LIN52: variants seen among roughly 807,000 people sequenced by gnomAD.
LIN52 encodes lin-52 DREAM MuvB core complex component.
Under a neutral mutation model 18.5 loss-of-function variants are expected in LIN52, and 4 were observed. That is an observed-to-expected ratio of 0.22 (90% CI 0.11 to 0.49). The LOEUF is 0.49. Among genes scored for constraint, LIN52 ranks in the 20% least tolerant of loss-of-function variants. The pLI, the probability that LIN52 is intolerant of heterozygous loss-of-function variation, is 0.97. For synonymous variants in LIN52, 34 were observed against 45.5 expected (o/e 0.75, Z 1.02); for missense variants, 102 against 139.5 (o/e 0.73, Z 1.35).
chr14:74,097,822 T>C lies in LIN52; in HGVS notation c.161T>C (p.Met54Thr). 1 of 1,613,308 alleles carries C rather than the reference T, an allele frequency of 6.2e-7. No homozygotes were observed. The highest frequency in any genetic ancestry group is 8.5e-7 in the Non-Finnish European group (1 of 1,179,250). The change falls in exon 4 of 6, where the codon ATG becomes ACG. Residue 54 changes from methionine (M) to threonine (T), a missense_variant. Met to Thr is a moderately conservative substitution (Grantham distance 81). Coordinates refer to ENST00000555028, the MANE Select transcript of LIN52 (RefSeq NM_001024674.3). Reference protein sequence around the residue: ...SPITSSPPKWMAEIERDDIDM... With the variant: ...SPITSSPPKWTAEIERDDIDM... ...ATTACTAGTTCTCCACCCAAATGGA[T>C]GGCTGAGATAGAACGTGATGACATC...
chr14:74,103,427 ATTTTTTTTTTTTTT>A (rs11347849), intron 5 of LIN52, among the ~76,000 whole-genome samples: 40 of 88,582 alleles, frequency 4.5e-4, no homozygotes, highest in Middle Eastern at 7.8e-3. Flanking sequence ...AAAATGTAAG[ATTTTTTTTTTTTTT>A]TTTTTTTTGA....
chr14:74,153,130 G>T (rs1216368282), intron 5 of LIN52, among the ~76,000 whole-genome samples: 1 of 152,180 alleles, frequency 6.6e-6, no homozygotes, highest in Non-Finnish European at 1.5e-5. Context: ...GAGGAGTTGT[G>T]CTCCTGACCT....
At position 74,109,996 on chromosome 14, in the gene LIN52, C is replaced by T. The variant is rs186372068; in HGVS notation, c.283+8758C>T. Among the ~76,000 whole-genome samples the T allele has an allele frequency of 1.9e-4, 29 of 152,252 alleles. No individual in the cohort carries two copies. In the East Asian group the frequency reaches 4.1e-3, roughly 21 times the overall value. On this transcript the variant is annotated intron_variant, in intron 5 of 5. Transcript: ENST00000555028. ...AAATCCCAGTACAGTGTTGAATAGA[C>T]GTGGCAGGAGTGGACATCCTTGACT...
At chr14:74,192,111 T>G (rs2078880825) in intron 5 of LIN52, among the ~76,000 whole-genome samples, 1 of 152,134 alleles carries the variant, frequency 6.6e-6, no homozygotes, top group Non-Finnish European at 1.5e-5. Context: ...TTGGAAGATC[T>G]TTTTAGAAAT....
intron 5 of LIN52, among the ~76,000 whole-genome samples, chr14:74,140,235 A>T (rs2061122029): frequency 6.6e-6 from 1 of 152,140 alleles, no homozygotes; most frequent in South Asian, 2.1e-4. Flanking sequence ...TTCTTGTAGC[A>T]CTTTGTCTAC....
intron 5 of LIN52, among the ~76,000 whole-genome samples, chr14:74,120,838 C>T (rs1340818837): frequency 2.0e-5 from 3 of 151,662 alleles, no homozygotes; most frequent in Non-Finnish European, 4.4e-5. Context: ...AGGAGAATCA[C>T]TTGAACCCAG....
intron 5 of LIN52, among the ~76,000 whole-genome samples, chr14:74,154,312 A>G (rs1398313185): frequency 2.6e-5 from 4 of 152,112 alleles, no homozygotes; most frequent in Non-Finnish European, 2.9e-5. Flanking sequence ...TGTATTTTTC[A>G]TAATTATGGT....
intron 5 of LIN52, among the ~76,000 whole-genome samples, chr14:74,141,245 A>C (rs1363039518): frequency 6.6e-6 from 1 of 152,256 alleles, no homozygotes; most frequent in Non-Finnish European, 1.5e-5. Flanking sequence ...CAGTTTCTCC[A>C]TGGATGCTTC....
Position 74,199,353 on chromosome 14 carries a change from G to A in LIN52, c.*376G>A, listed in dbSNP as rs1163877764. ...CAGTCATGGCAGTCAGTTGTGACAT[G>A]TTGATTGGATGGGTTCTTTTGAATT... On this transcript the variant is annotated 3_prime_UTR_variant, in exon 6 of 6. Coordinates refer to ENST00000555028, the MANE Select transcript of LIN52 (RefSeq NM_001024674.3). 5.7e-6 allele frequency: 1 copy of A among 176,380 alleles called. No homozygotes were observed. The highest frequency in any genetic ancestry group is 1.5e-4 in the East Asian group (1 of 6,720). 10.9% of individuals were successfully genotyped at this position (176,380 alleles called of 1,614,324 possible).
chr14:74,182,659 T>G (rs11624656), intron 5 of LIN52, among the ~76,000 whole-genome samples: 67,307 of 151,848 alleles, frequency 0.44, 16,091 homozygotes, highest in Non-Finnish European at 0.53. Context: ...CTAGTGGAAT[T>G]TTAACTTAAG....
chr14:74,147,953 G>A (rs1423730100), intron 5 of LIN52, among the ~76,000 whole-genome samples: 1 of 152,152 alleles, frequency 6.6e-6, no homozygotes, highest in African/African-American at 2.4e-5. Context: ...GAGATGGTAA[G>A]TGTTATGTAT....
At chr14:74,165,513 C>CTTTTCTTTTTTTTTTTTTTT (rs1555384151) in intron 5 of LIN52, among the ~76,000 whole-genome samples, 4 of 110,262 alleles carry the variant, frequency 3.6e-5, no homozygotes, top group Non-Finnish European at 7.1e-5. Flanking sequence ...GTTTTCTTTT[C>CTTTTCTTTTTTTTTTTTTTT]TTTTTTTTTT....
chr14:74,199,044 A>C lies in LIN52; in HGVS notation c.*67A>C. 2 of 1,091,858 alleles carry C rather than the reference A, an allele frequency of 1.8e-6. No homozygotes were observed. The highest frequency in any genetic ancestry group is 2.8e-6 in the Non-Finnish European group (2 of 709,082). The allele number at this position is 1,091,858 out of a possible 1,614,324, so 67.6% of individuals were successfully genotyped here. A position where few individuals can be genotyped will look rare whatever the true frequency, so the allele number is the denominator to read the frequency against. On this transcript the variant is annotated 3_prime_UTR_variant, in exon 6 of 6. Coordinates refer to ENST00000555028, the MANE Select transcript of LIN52 (RefSeq NM_001024674.3). ...CTCCCTTCCCGGTGCACCTCTAACA[A>C]TGCACACCTCACTGCTTGCTTGGGA...
intron 5 of LIN52, among the ~76,000 whole-genome samples, chr14:74,137,507 T>C (rs2061104980): frequency 6.9e-6 from 1 of 145,424 alleles, no homozygotes; most frequent in Non-Finnish European, 1.5e-5. Context: ...TCTTTTTTTT[T>C]TTTTTTTTTG....
At chr14:74,091,617 T>C (rs942584320) in intron 2 of LIN52, among the ~76,000 whole-genome samples, 1 of 150,202 alleles carries the variant, frequency 6.7e-6, no homozygotes, top group African/African-American at 2.5e-5. Flanking sequence ...AAAAAAAAAA[T>C]AGAAATATTA....
chr14:74,124,119 G>T (rs67427740), intron 5 of LIN52, among the ~76,000 whole-genome samples: 34,146 of 151,808 alleles, frequency 0.22, 4,163 homozygotes, highest in South Asian at 0.46. Flanking sequence ...GTAATGTTCA[G>T]ATATGTTACT....
intron 5 of LIN52, among the ~76,000 whole-genome samples, chr14:74,114,602 CAA>C (rs1566851572): frequency 2.2e-4 from 33 of 152,140 alleles, no homozygotes; most frequent in African/African-American, 8.0e-4. Context: ...TTAACAACAA[CAA>C]CAACAACAAA....
intron 5 of LIN52, among the ~76,000 whole-genome samples, chr14:74,113,546 A>G (rs920088269): frequency 6.6e-6 from 1 of 152,170 alleles, no homozygotes; most frequent in Non-Finnish European, 1.5e-5. Context: ...TCTAGACCCC[A>G]GGTTATGTTA....
chr14:74,186,929 A>T (rs957623994), intron 5 of LIN52, among the ~76,000 whole-genome samples: 1 of 152,112 alleles, frequency 6.6e-6, no homozygotes, highest in African/African-American at 2.4e-5. Context: ...AAATACAAAT[A>T]TTAGCCGGGC....
Sources: allele counts gnomAD v4.1 joint callset (sites outside exome capture counted in the v4.1 genomes callset), GRCh38; gene constraint gnomAD v4.1.1; transcripts MANE v1.5; gene names NCBI Gene and HGNC (gene_info 2026-07-23, HGNC 2026-07-21).